Variants in LAMB1 observed in about 807,000 individuals in gnomAD.
LAMB1 encodes the protein laminin subunit beta-1.
LAMB1 carries 121 observed loss-of-function variants against 222.3 expected under a neutral mutation model. The ratio of observed to expected loss-of-function variants is 0.54; its 90% CI spans 0.47 to 0.63. LAMB1 has a LOEUF of 0.63. Among genes scored for constraint, LAMB1 ranks in the 30% least tolerant of loss-of-function variants. The pLI is 0.00. For synonymous variants in LAMB1, 794 were observed against 807.2 expected (o/e 0.98, Z 0.28); for missense variants, 2,172 against 2,240.8 (o/e 0.97, Z 0.62).
At position 107,923,867 on chromosome 7, in the gene LAMB1, G is replaced by A; in HGVS notation, c.*84C>T. ...TGATTAAAAACATTAAATAGGTGAT[G>A]TTTTATTTTGAAGAGCATTAAGTCA... On this transcript the variant is annotated 3_prime_UTR_variant, in exon 34 of 34. Transcript: ENST00000222399. 8.0e-7 allele frequency: 1 copy of A among 1,242,776 alleles called. No homozygotes were observed. The highest frequency in any genetic ancestry group is 1.1e-6 in the Non-Finnish European group (1 of 886,104). The allele number at this position is 1,242,776 out of a possible 1,614,324, so 77.0% of individuals were successfully genotyped here.
chr7:107,994,293 A>C (rs1225628892), intron 5 of LAMB1, among the ~76,000 whole-genome samples: 2 of 152,196 alleles, frequency 1.3e-5, no homozygotes, highest in African/African-American at 4.8e-5. Flanking sequence ...TGATGAGAAA[A>C]TCCACATTTA....
chr7:107,991,680 G>A (rs937171510), intron 5 of LAMB1, among the ~76,000 whole-genome samples: 1 of 151,956 alleles, frequency 6.6e-6, no homozygotes, highest in South Asian at 2.1e-4. Flanking sequence ...TGACGCCGAG[G>A]CGGGCAGATC....
At chr7:107,942,832 G>A (rs894566889) in intron 24 of LAMB1, 1 of 152,132 alleles carries the variant, frequency 6.6e-6, no homozygotes, top group Non-Finnish European at 1.5e-5. Context: ...ACGTGTTCCG[G>A]TTATATGTTT....
At chr7:107,936,599 A>C (rs2032853185) in intron 26 of LAMB1, among the ~76,000 whole-genome samples, 1 of 152,196 alleles carries the variant, frequency 6.6e-6, no homozygotes, top group Admixed American at 6.5e-5. Flanking sequence ...ATCATGCATA[A>C]AACAGTATGG....
At chr7:107,941,521 C>T (rs2032981230) in intron 24 of LAMB1, among the ~76,000 whole-genome samples, 1 of 152,192 alleles carries the variant, frequency 6.6e-6, no homozygotes, top group Non-Finnish European at 1.5e-5. Flanking sequence ...ATCCAAACGT[C>T]TTTGCCAAAT....
At chr7:107,968,904 C>G (rs981978902) in intron 13 of LAMB1, among the ~76,000 whole-genome samples, 1 of 152,014 alleles carries the variant, frequency 6.6e-6, no homozygotes, top group African/African-American at 2.4e-5. Flanking sequence ...TTTAAACAAC[C>G]AAATTGTGGT....
chr7:107,988,382 C>T (rs1202005857), intron 5 of LAMB1, among the ~76,000 whole-genome samples: 1 of 152,086 alleles, frequency 6.6e-6, no homozygotes, highest in Non-Finnish European at 1.5e-5. Context: ...GAGCTTGAAA[C>T]ATGAATTTGG....
intron 3 of LAMB1, among the ~76,000 whole-genome samples, chr7:108,000,701 G>A (rs184704263): frequency 2.0e-5 from 3 of 151,870 alleles, no homozygotes; most frequent in Admixed American, 6.6e-5. Context: ...GGACCACCAC[G>A]CCCAGCTAAG....
At chr7:107,973,945 C>T (rs1008708908) in intron 12 of LAMB1, among the ~76,000 whole-genome samples, 14 of 152,250 alleles carry the variant, frequency 9.2e-5, no homozygotes, top group African/African-American at 3.4e-4. Context: ...TGTGCCCAGC[C>T]TATTTTATTT....
At chr7:107,992,401 T>C (rs897995271) in intron 5 of LAMB1, among the ~76,000 whole-genome samples, 1 of 152,246 alleles carries the variant, frequency 6.6e-6, no homozygotes, top group Non-Finnish European at 1.5e-5. Context: ...GGGCAGTCAC[T>C]GTGCTATCTT....
In LAMB1 at chr7:107,937,162, C is replaced by A. The variant is rs149040384; in HGVS notation, c.3877G>T (p.Glu1293Ter). ...TCTTTCACAGTGTTGTCTAGGCTTT[C>A]GGCTTCTGTCTGTAGAGAATCCAGT... ...KELDSLQTEA[E>*]SLDNTVKELA... Residue 1293 changes from glutamate (E) to a stop codon, truncating the protein, a stop_gained, in exon 26 of 34, where the codon GAA becomes TAA. Transcript: ENST00000222399. LOFTEE classifies it high-confidence loss of function. The A allele has an allele frequency of 5.0e-6, 8 of 1,613,966 alleles. No homozygotes were observed. In the Admixed American group the frequency reaches 1.0e-4, roughly 20 times the overall value.
At chr7:108,002,146 T>A (rs1298282919) in intron 2 of LAMB1, 4 of 1,453,548 alleles carry the variant, frequency 2.8e-6, no homozygotes, top group Non-Finnish European at 3.7e-6. Flanking sequence ...TGAACCCGCG[T>A]GCACGCGGCA....
intron 5 of LAMB1, among the ~76,000 whole-genome samples, chr7:107,986,758 G>A (rs796311295): frequency 2.6e-5 from 4 of 152,272 alleles, no homozygotes; most frequent in African/African-American, 9.6e-5. Context: ...TACCTCCTTA[G>A]TATCAGCCAG....
chr7:107,999,460 TTCTTA>T (rs889500176), intron 3 of LAMB1, among the ~76,000 whole-genome samples: 202 of 152,332 alleles, frequency 1.3e-3, no homozygotes, highest in African/African-American at 4.7e-3. Flanking sequence ...AAGGGTAATA[TTCTTA>T]TAAGGACACA....
At chr7:107,929,868 C>T (rs1257155550) in intron 29 of LAMB1, 1 of 533,732 alleles carries the variant, frequency 1.9e-6, no homozygotes, top group African/African-American at 1.9e-5. Context: ...TGAGGGAAAC[C>T]TTCGTGGAAG....
intron 24 of LAMB1, among the ~76,000 whole-genome samples, chr7:107,947,559 T>G (rs1473220658): frequency 6.6e-6 from 1 of 152,218 alleles, no homozygotes; most frequent in East Asian, 1.9e-4. Flanking sequence ...CTTGTCTGCC[T>G]CTGCATCTTG....
chr7:107,929,650 G>A (rs2032658633), intron 29 of LAMB1, 31 bp from the exon 30 acceptor site: 1 of 1,574,822 alleles, frequency 6.3e-7, no homozygotes, highest in African/African-American at 1.3e-5. Flanking sequence ...CCCAAAAAGA[G>A]GTGAAAAGAA....
intron 24 of LAMB1, 181 bp from the exon 25 acceptor site, chr7:107,940,539 GT>G (rs1289886911): frequency 3.3e-6 from 2 of 609,104 alleles, no homozygotes; most frequent in African/African-American, 3.7e-5. Context: ...GACTTCAGTG[GT>G]TGCTAACCCC....
chr7:107,931,571 G>T, intron 28 of LAMB1, 71 bp from the exon 29 acceptor site: 1 of 1,394,346 alleles, frequency 7.2e-7, no homozygotes. Flanking sequence ...TATTGGAAAT[G>T]GCTCAAAAAT....
Sources: allele counts gnomAD v4.1 joint callset (sites outside exome capture counted in the v4.1 genomes callset), GRCh38; gene constraint gnomAD v4.1.1; transcripts MANE v1.5; gene names NCBI Gene and HGNC (gene_info 2026-07-23, HGNC 2026-07-21).